RAPGEF4: variants seen among roughly 807,000 people sequenced by gnomAD.
The protein encoded by RAPGEF4 is RAP guanine-nucleotide-exchange factor (GEF) 4.
In RAPGEF4, 66 loss-of-function variants were observed where a neutral mutation model predicts 147.9. That is an observed-to-expected ratio of 0.45 (90% CI 0.37 to 0.55). The LOEUF (loss-of-function observed/expected upper bound fraction) is 0.55, where lower values mean the gene tolerates loss of function less well. Ranked by LOEUF, RAPGEF4 falls within the 20% of genes least tolerant of loss-of-function variation. The pLI is 0.00. For missense variants in RAPGEF4, 1,071 were observed against 1,257.3 expected, an observed-to-expected ratio of 0.85 and a Z score of 2.24; for synonymous variants, 419 against 442.7, an observed-to-expected ratio of 0.95 and a Z score of 0.67.
intron 4 of RAPGEF4, among the ~76,000 whole-genome samples, chr2:172,852,800 T>C (rs1194708453): frequency 2.6e-5 from 4 of 152,124 alleles, no homozygotes; most frequent in African/African-American, 9.6e-5. Flanking sequence ...ATTTTTAATT[T>C]GATGAGAGTT....
intron 4 of RAPGEF4, among the ~76,000 whole-genome samples, chr2:172,842,326 A>G (rs1691705383): frequency 6.6e-6 from 1 of 152,188 alleles, no homozygotes; most frequent in Non-Finnish European, 1.5e-5. Flanking sequence ...TGACAGGTGG[A>G]TTGGATTGCA....
At chr2:172,767,258 A>G (rs1390750568) in intron 1 of RAPGEF4, among the ~76,000 whole-genome samples, 1 of 151,286 alleles carries the variant, frequency 6.6e-6, no homozygotes, top group Non-Finnish European at 1.5e-5. Flanking sequence ...GGCTCACCAC[A>G]ACCTCTGCCT....
At chr2:172,809,123 C>T (rs868398071) in intron 3 of RAPGEF4, among the ~76,000 whole-genome samples, 4 of 152,086 alleles carry the variant, frequency 2.6e-5, no homozygotes, top group Admixed American at 6.5e-5. Context: ...GGAAATATCT[C>T]GAGGGCATGT....
chr2:172,889,288 C>G (rs1261802576), intron 4 of RAPGEF4, among the ~76,000 whole-genome samples: 1 of 151,870 alleles, frequency 6.6e-6, no homozygotes, highest in Non-Finnish European at 1.5e-5. Context: ...ATCCTTTTGG[C>G]ATGTTTTATA....
At chr2:173,025,155 C>T (rs1453425566) in intron 23 of RAPGEF4, among the ~76,000 whole-genome samples, 1 of 152,224 alleles carries the variant, frequency 6.6e-6, no homozygotes, top group Non-Finnish European at 1.5e-5. Flanking sequence ...TTTATACCTG[C>T]AAATAAGGAC....
chr2:172,818,584 C>T (rs1166258181), intron 4 of RAPGEF4, among the ~76,000 whole-genome samples: 3 of 152,040 alleles, frequency 2.0e-5, no homozygotes, highest in African/African-American at 4.8e-5. Flanking sequence ...TCATGGCAGG[C>T]GCTCTTATGT....
intron 4 of RAPGEF4, among the ~76,000 whole-genome samples, chr2:172,875,549 G>T (rs1252158486): frequency 1.3e-5 from 2 of 152,142 alleles, no homozygotes; most frequent in Non-Finnish European, 2.9e-5. Context: ...TCAAAAATCA[G>T]ATGATTGTAG....
chr2:173,043,643 G>A (rs1297206917), intron 29 of RAPGEF4, among the ~76,000 whole-genome samples: 2 of 152,238 alleles, frequency 1.3e-5, no homozygotes, highest in Non-Finnish European at 1.5e-5. Context: ...GGTAGGCTAT[G>A]TCATGTCTTT....
At chr2:172,749,160 T>A (rs545982641) in intron 1 of RAPGEF4, among the ~76,000 whole-genome samples, 8 of 152,304 alleles carry the variant, frequency 5.3e-5, no homozygotes, top group Admixed American at 2.6e-4. Flanking sequence ...ATTCTGGGGT[T>A]TGGAGGACAG....
intron 4 of RAPGEF4, among the ~76,000 whole-genome samples, chr2:172,901,260 C>T (rs1300245047): frequency 6.6e-6 from 1 of 152,184 alleles, no homozygotes; most frequent in East Asian, 1.9e-4. Flanking sequence ...CACTCTATTC[C>T]TCTGTACTTC....
intron 4 of RAPGEF4, among the ~76,000 whole-genome samples, chr2:172,906,941 G>T (rs950504672): frequency 6.6e-6 from 1 of 152,194 alleles, no homozygotes. Flanking sequence ...CCAGCTCCTG[G>T]GCTACCTCTA....
intron 4 of RAPGEF4, among the ~76,000 whole-genome samples, chr2:172,889,162 C>G (rs1442426059): frequency 1.3e-5 from 2 of 152,124 alleles, no homozygotes; most frequent in Non-Finnish European, 1.5e-5. Context: ...TAGAACCTCC[C>G]TTTTAATACT....
intron 10 of RAPGEF4, 108 bp downstream of exon 10, chr2:172,967,552 C>A: frequency 8.3e-7 from 1 of 1,204,990 alleles, no homozygotes; most frequent in Non-Finnish European, 1.1e-6. Context: ...GGCCATCCCC[C>A]ATGGAACAAA....
intron 1 of RAPGEF4, among the ~76,000 whole-genome samples, chr2:172,740,994 C>T (rs910561807): frequency 6.6e-5 from 10 of 152,136 alleles, no homozygotes; most frequent in Non-Finnish European, 1.3e-4. Context: ...CTCAGAAGTC[C>T]GTTTTCTGCA....
chr2:172,945,276 T>C (rs1040185654), intron 6 of RAPGEF4, among the ~76,000 whole-genome samples: 2 of 152,184 alleles, frequency 1.3e-5, no homozygotes, highest in Non-Finnish European at 2.9e-5. Context: ...ATGGTATGCT[T>C]TTAGGACTTT....
intron 1 of RAPGEF4, among the ~76,000 whole-genome samples, chr2:172,774,456 A>C (rs1391018809): frequency 1.3e-5 from 2 of 152,130 alleles, no homozygotes; most frequent in Non-Finnish European, 2.9e-5. Flanking sequence ...CTGGCCTGTC[A>C]TTTCCTACCC....
At chr2:173,039,078 C>T (rs754909944) in intron 29 of RAPGEF4, among the ~76,000 whole-genome samples, 1 of 152,196 alleles carries the variant, frequency 6.6e-6, no homozygotes, top group Non-Finnish European at 1.5e-5. Context: ...CAATGAATAG[C>T]TACGATAGCC....
chr2:172,838,798 C>T (rs1691247527), intron 4 of RAPGEF4, among the ~76,000 whole-genome samples: 1 of 152,032 alleles, frequency 6.6e-6, no homozygotes, highest in African/African-American at 2.4e-5. Context: ...ACTTGATACA[C>T]CAAACACAGT....
intron 4 of RAPGEF4, among the ~76,000 whole-genome samples, chr2:172,913,555 G>A (rs528080215): frequency 6.6e-6 from 1 of 152,300 alleles, no homozygotes; most frequent in East Asian, 1.9e-4. Flanking sequence ...TCATGTGTTG[G>A]CTCCTGGGTT....
Sources: gnomAD v4.1 joint callset for allele counts (sites outside exome capture counted in the v4.1 genomes callset) on GRCh38, gnomAD v4.1.1 for gene constraint, MANE v1.5 for transcripts, NCBI Gene and HGNC (gene_info 2026-07-23, HGNC 2026-07-21) for gene names.